PIP4K2A: variants seen among roughly 807,000 people sequenced by gnomAD.
The protein encoded by PIP4K2A is phosphatidylinositol-5-phosphate 4-kinase type 2 alpha.
In PIP4K2A, 14 loss-of-function variants were observed where a neutral mutation model predicts 42.9. The observed-to-expected ratio is 0.33, with a 90% CI of 0.22 to 0.51. PIP4K2A has a LOEUF of 0.51. Among genes scored for constraint, PIP4K2A ranks in the 20% least tolerant of loss-of-function variants. The probability of loss-of-function intolerance (pLI) is 0.97; values close to 1 mark genes in which losing one functional copy is unlikely to be tolerated. For missense variants in PIP4K2A, 434 were observed against 519.8 expected, an observed-to-expected ratio of 0.83 and a Z score of 1.61; for synonymous variants, 192 against 192.2, an observed-to-expected ratio of 1.00 and a Z score of 0.01.
intron 4 of PIP4K2A, among the ~76,000 whole-genome samples, chr10:22,577,734 C>A (rs1278565334): frequency 6.6e-6 from 1 of 152,226 alleles, no homozygotes; most frequent in Non-Finnish European, 1.5e-5. Flanking sequence ...GGTTCTTGAG[C>A]ATCCTCCCTC....
intron 1 of PIP4K2A, among the ~76,000 whole-genome samples, chr10:22,633,218 G>A (rs1838589999): frequency 6.6e-6 from 1 of 152,186 alleles, no homozygotes; most frequent in South Asian, 2.1e-4. Flanking sequence ...CTTGGCCATG[G>A]CTCTCAACTG....
At chr10:22,575,955 GA>G (rs897734382) in intron 4 of PIP4K2A, among the ~76,000 whole-genome samples, 1 of 150,308 alleles carries the variant, frequency 6.7e-6, no homozygotes, top group Admixed American at 6.6e-5. Context: ...AAACAAAAAA[GA>G]AAAAAAAAGT....
rs146375292 is a variant in PIP4K2A, at chr10:22,678,468, G to A, written c.144+35715C>T. 1.7e-3 allele frequency among the ~76,000 whole-genome samples: 255 copies of A among 151,888 alleles called. 1 individual carries two copies. In the East Asian group the frequency reaches 0.017, roughly 10 times the overall value. ...CCTTTCTGCATTTCTTTCCTTTGTC[G>A]TTCTATGGGGAAAAGTCTGTTTTAC... On this transcript the variant is annotated intron_variant, in intron 1 of 9. Coordinates refer to ENST00000376573, the MANE Select transcript of PIP4K2A (RefSeq NM_005028.5).
At position 22,627,593 on chromosome 10, in the gene PIP4K2A, A is replaced by AAT. The variant is rs1838471326; in HGVS notation, c.145-17877_145-17876insAT. 1.2e-4 allele frequency among the ~76,000 whole-genome samples: 3 copies of AAT among 24,394 alleles called. No homozygotes were observed. The South Asian group carries it at 3.7e-3, about 30-fold the overall frequency. 16.0% of individuals were successfully genotyped at this position (24,394 alleles called of 152,430 possible). A position where few individuals can be genotyped will look rare whatever the true frequency, so the allele number is the denominator to read the frequency against. On this transcript the variant is annotated intron_variant, in intron 1 of 9. Coordinates refer to ENST00000376573, the MANE Select transcript of PIP4K2A (RefSeq NM_005028.5). ...TTTAACCAAAAGCTAATATGTAATA[A>AAT]AAAAAAAAAAAAAAAAAAAAAAAAA...
At chr10:22,703,973 C>T (rs1010881453) in intron 1 of PIP4K2A, among the ~76,000 whole-genome samples, 8 of 151,978 alleles carry the variant, frequency 5.3e-5, no homozygotes, top group South Asian at 4.1e-4. Flanking sequence ...TGACAGGGGA[C>T]GGGGCAGAGT....
At chr10:22,680,533 G>C (rs1839638627) in intron 1 of PIP4K2A, among the ~76,000 whole-genome samples, 2 of 152,120 alleles carry the variant, frequency 1.3e-5, no homozygotes, top group South Asian at 2.1e-4. Context: ...GGATGAGAGG[G>C]TATTTTCCCT....
intron 1 of PIP4K2A, among the ~76,000 whole-genome samples, chr10:22,644,500 G>GT (rs756381147): frequency 6.6e-6 from 1 of 152,102 alleles, no homozygotes; most frequent in Non-Finnish European, 1.5e-5. Flanking sequence ...CTCCTGCCTG[G>GT]TTTGCCCATG....
chr10:22,570,776 AC>A (rs984392715), intron 5 of PIP4K2A, among the ~76,000 whole-genome samples: 2 of 152,188 alleles, frequency 1.3e-5, no homozygotes, highest in Non-Finnish European at 2.9e-5. Context: ...GGTGGGAAGA[AC>A]TGCTAGCAGT....
chr10:22,694,947 A>T (rs932819146), intron 1 of PIP4K2A, among the ~76,000 whole-genome samples: 1 of 152,236 alleles, frequency 6.6e-6, no homozygotes, highest in Non-Finnish European at 1.5e-5. Context: ...GGACAGTGTG[A>T]AAATGAGAAT....
In PIP4K2A at chr10:22,583,088, G is replaced by A. The variant is rs144079414; in HGVS notation, c.492+8541C>T. ...GCAGAAATGCCTAAGTACATACACG[G>A]ATGTGCCTCATTCAATTTGTGACAC... is the stretch of plus-strand genomic sequence containing the variant. On this transcript the variant is annotated intron_variant, in intron 4 of 9. Transcript: ENST00000376573. Among the ~76,000 whole-genome samples the A allele has an allele frequency of 3.9e-5, 6 of 152,234 alleles. No homozygotes were observed. The East Asian group carries it at 1.2e-3, about 29-fold the overall frequency.
chr10:22,624,966 G>T (rs1443676618), intron 1 of PIP4K2A, among the ~76,000 whole-genome samples: 1 of 152,008 alleles, frequency 6.6e-6, no homozygotes, highest in African/African-American at 2.4e-5. Flanking sequence ...ATTTGTTAAT[G>T]GTTTTTGAAT....
At chr10:22,543,765 G>A (rs1346223368) in intron 7 of PIP4K2A, among the ~76,000 whole-genome samples, 2 of 152,194 alleles carry the variant, frequency 1.3e-5, no homozygotes, top group African/African-American at 4.8e-5. Flanking sequence ...GTGGTGGAAG[G>A]CTCACTTGAG....
At chr10:22,596,079 C>T (rs1261024639) in intron 3 of PIP4K2A, among the ~76,000 whole-genome samples, 1 of 151,584 alleles carries the variant, frequency 6.6e-6, no homozygotes, top group Admixed American at 6.6e-5. Context: ...GTGGGGCATG[C>T]CTGTAATCCC....
At chr10:22,687,544 GAC>G (rs137860168) in intron 1 of PIP4K2A, among the ~76,000 whole-genome samples, 141 of 149,832 alleles carry the variant, frequency 9.4e-4, no homozygotes, top group African/African-American at 2.8e-3. Flanking sequence ...TACGAAAGCA[GAC>G]ACACACACAC....
At chr10:22,579,915 A>AAAAAAAG (rs568522429) in intron 4 of PIP4K2A, among the ~76,000 whole-genome samples, 2 of 145,140 alleles carry the variant, frequency 1.4e-5, no homozygotes, top group Non-Finnish European at 1.5e-5. Context: ...TCTGAGAAGA[A>AAAAAAAG]AAAAAAGAAA....
At chr10:22,608,924 A>C (rs374282523) in intron 2 of PIP4K2A, among the ~76,000 whole-genome samples, 2 of 103,586 alleles carry the variant, frequency 1.9e-5, no homozygotes, top group Non-Finnish European at 2.7e-5. Context: ...TTTGAGGTTC[A>C]CCCTAATCAT....
chr10:22,551,439 C>T (rs936138003), intron 6 of PIP4K2A, among the ~76,000 whole-genome samples: 3 of 152,170 alleles, frequency 2.0e-5, no homozygotes, highest in Admixed American at 6.5e-5. Flanking sequence ...TACAAATGAA[C>T]GAGAGGGTGA....
intron 1 of PIP4K2A, among the ~76,000 whole-genome samples, chr10:22,673,319 T>C (rs1839491063): frequency 6.6e-6 from 1 of 152,220 alleles, no homozygotes; most frequent in Admixed American, 6.5e-5. Context: ...AGGAAGGAAC[T>C]GGGTTTTATT....
At chr10:22,640,952 T>C (rs1047632255) in intron 1 of PIP4K2A, among the ~76,000 whole-genome samples, 5 of 152,118 alleles carry the variant, frequency 3.3e-5, no homozygotes, top group Admixed American at 2.6e-4. Context: ...GAGAAATATT[T>C]GGGAGAAATA....
Sources: allele counts gnomAD v4.1 joint callset (sites outside exome capture counted in the v4.1 genomes callset), GRCh38; gene constraint gnomAD v4.1.1; transcripts MANE v1.5; gene names NCBI Gene and HGNC (gene_info 2026-07-23, HGNC 2026-07-21).